FTCDNL1: variants seen among roughly 807,000 people sequenced by gnomAD.
FTCDNL1 encodes the protein formiminotransferase cyclodeaminase N-terminal like.
Under a neutral mutation model 5.9 loss-of-function variants are expected in FTCDNL1, and 11 were observed. The observed-to-expected ratio is 1.87, with a 90% CI of 1.18 to 3.10. FTCDNL1 has a LOEUF of 3.10. FTCDNL1 is among the 30% of genes most tolerant of loss of function. FTCDNL1 has a pLI of 0.00. For missense variants in FTCDNL1, 115 were observed against 65.5 expected (o/e 1.76, Z -2.61); for synonymous variants, 58 against 24.8 (o/e 2.34, Z -3.99).
At chr2:199,790,029 T>C (rs1699842603) in intron 3 of FTCDNL1, among the ~76,000 whole-genome samples, 1 of 152,178 alleles carries the variant, frequency 6.6e-6, no homozygotes, top group Admixed American at 6.5e-5. Flanking sequence ...ATAAATGTAA[T>C]GTCATTTTGA....
At chr2:199,696,886 C>G in the FTCDNL1 span, among the ~76,000 whole-genome samples, 1 of 152,146 alleles carries the variant, frequency 6.6e-6, no homozygotes, top group African/African-American at 2.4e-5. Flanking sequence ...AGTTGAAACC[C>G]AATCCAAGAA....
intron 3 of FTCDNL1, among the ~76,000 whole-genome samples, chr2:199,820,592 T>C (rs1008771315): frequency 1.3e-5 from 2 of 152,220 alleles, no homozygotes; most frequent in African/African-American, 4.8e-5. Flanking sequence ...GAAAGTTCTA[T>C]TGGACAGCTC....
the FTCDNL1 span, among the ~76,000 whole-genome samples, chr2:199,745,016 G>A: frequency 5.3e-5 from 8 of 152,164 alleles, no homozygotes; most frequent in Non-Finnish European, 7.3e-5. Flanking sequence ...TGTGTCCACC[G>A]GGCAAACCAG....
At chr2:199,779,579 C>T (rs1245694795) in intron 3 of FTCDNL1, among the ~76,000 whole-genome samples, 1 of 152,216 alleles carries the variant, frequency 6.6e-6, no homozygotes, top group African/African-American at 2.4e-5. Context: ...GGCTCCCCTA[C>T]ACTCTTAGAG....
chr2:199,776,515 C>G (rs746931136), intron 3 of FTCDNL1, among the ~76,000 whole-genome samples: 3 of 152,346 alleles, frequency 2.0e-5, no homozygotes, highest in Non-Finnish European at 4.4e-5. Context: ...GTGGCCTGCA[C>G]AAGTATGGGA....
intron 3 of FTCDNL1, among the ~76,000 whole-genome samples, chr2:199,765,954 TTC>T (rs1023485369): frequency 9.2e-5 from 14 of 152,132 alleles, no homozygotes; most frequent in Non-Finnish European, 1.8e-4. Flanking sequence ...TCACTGTTTG[TTC>T]TAACTACAGG....
chr2:199,785,830 A>G (rs1373213980), intron 3 of FTCDNL1, among the ~76,000 whole-genome samples: 2 of 152,120 alleles, frequency 1.3e-5, no homozygotes, highest in Non-Finnish European at 2.9e-5. Flanking sequence ...CAGAACAATG[A>G]TGTCCTAAAT....
chr2:199,766,189 G>T (rs994591277), intron 3 of FTCDNL1, among the ~76,000 whole-genome samples: 2 of 152,136 alleles, frequency 1.3e-5, no homozygotes, highest in African/African-American at 4.8e-5. Flanking sequence ...ATATAAATTT[G>T]AATTGCACAC....
At chr2:199,703,802 G>T in the FTCDNL1 span, among the ~76,000 whole-genome samples, 4 of 152,094 alleles carry the variant, frequency 2.6e-5, no homozygotes, top group Admixed American at 2.6e-4. Flanking sequence ...TCTTATTATT[G>T]TATGTATTTA....
chr2:199,820,547 G>A (rs1176049703), intron 3 of FTCDNL1, among the ~76,000 whole-genome samples: 1 of 152,164 alleles, frequency 6.6e-6, no homozygotes, highest in African/African-American at 2.4e-5. Context: ...TCTCCATACT[G>A]GACAGCACAG....
the FTCDNL1 span, among the ~76,000 whole-genome samples, chr2:199,750,273 G>A: frequency 5.3e-5 from 8 of 151,880 alleles, no homozygotes; most frequent in African/African-American, 1.7e-4. Context: ...TGGGAGGATT[G>A]CTAGAGCCTG....
At chr2:199,781,588 C>A (rs1699363418) in intron 3 of FTCDNL1, among the ~76,000 whole-genome samples, 1 of 152,062 alleles carries the variant, frequency 6.6e-6, no homozygotes, top group Admixed American at 6.6e-5. Flanking sequence ...TTTAGAACTA[C>A]AGAATGGCAG....
At chr2:199,826,134 A>C (rs1428219519) in intron 3 of FTCDNL1, among the ~76,000 whole-genome samples, 1 of 152,184 alleles carries the variant, frequency 6.6e-6, no homozygotes, top group Non-Finnish European at 1.5e-5. Context: ...TTGGAGCTAC[A>C]GTTCTGTAGC....
chr2:199,732,715 C>T, the FTCDNL1 span, among the ~76,000 whole-genome samples: 4 of 152,122 alleles, frequency 2.6e-5, no homozygotes, highest in African/African-American at 9.7e-5. Context: ...TCAGTAGTTA[C>T]ATGTGAAAAT....
chr2:199,716,063 A>T, the FTCDNL1 span, among the ~76,000 whole-genome samples: 2 of 127,948 alleles, frequency 1.6e-5, 1 homozygote, highest in Admixed American at 1.6e-4. Flanking sequence ...AAAAAAAAAA[A>T]AAGGAACACA....
chr2:199,785,392 G>A (rs1699589571), intron 3 of FTCDNL1: 1 of 151,526 alleles, frequency 6.6e-6, no homozygotes. Flanking sequence ...GGGACTACAG[G>A]TGCCCGCCAC....
chr2:199,762,685 C>T (rs796517813), intron 3 of FTCDNL1, among the ~76,000 whole-genome samples: 3 of 152,248 alleles, frequency 2.0e-5, no homozygotes, highest in African/African-American at 7.2e-5. Context: ...TGATAGTATA[C>T]ACTCTGACTT....
At chr2:199,792,365 C>T (rs1699975516) in intron 3 of FTCDNL1, among the ~76,000 whole-genome samples, 1 of 152,134 alleles carries the variant, frequency 6.6e-6, no homozygotes, top group South Asian at 2.1e-4. Flanking sequence ...TTCCAAAGTC[C>T]CTGCCTCATC....
At chr2:199,770,784 C>T (rs922292196) in intron 3 of FTCDNL1, among the ~76,000 whole-genome samples, 13 of 152,168 alleles carry the variant, frequency 8.5e-5, no homozygotes, top group African/African-American at 1.9e-4. Context: ...CATTGTCTGC[C>T]GCTTCACTCA....
Sources: allele counts gnomAD v4.1 joint callset (sites outside exome capture counted in the v4.1 genomes callset), GRCh38; gene constraint gnomAD v4.1.1; transcripts MANE v1.5; gene names NCBI Gene and HGNC (gene_info 2026-07-23, HGNC 2026-07-21).